The following GPLD1 variants were observed in gnomAD, a reference collection of about 807,000 sequenced individuals.
GPLD1 encodes the protein glycosylphosphatidylinositol specific phospholipase D1, also known as phosphatidylinositol-glycan-specific phospholipase D.
Under a neutral mutation model 112.6 loss-of-function variants are expected in GPLD1, and 84 were observed. That is an observed-to-expected ratio of 0.75 (90% CI 0.63 to 0.89). GPLD1 has a LOEUF of 0.89. GPLD1 is among the 40% of genes least tolerant of loss of function. The pLI, the probability that GPLD1 is intolerant of heterozygous loss-of-function variation, is 0.00. For missense variants in GPLD1, 1,044 were observed against 1,051.5 expected, an observed-to-expected ratio of 0.99 and a Z score of 0.10; for synonymous variants, 386 against 403.8, an observed-to-expected ratio of 0.96 and a Z score of 0.53.
upstream of GPLD1, among the ~76,000 whole-genome samples, chr6:24,490,880 C>T (rs1434495574): frequency 6.6e-6 from 1 of 152,192 alleles, no homozygotes; most frequent in African/African-American, 2.4e-5. Flanking sequence ...CGCAGCTACC[C>T]CCAGACCTGA....
chr6:24,480,002 C>T (rs754962750), intron 2 of GPLD1, 43 bp from the exon 3 acceptor site: 3 of 1,245,470 alleles, frequency 2.4e-6, no homozygotes, highest in Middle Eastern at 1.8e-4. Flanking sequence ...CAGGAGTCAA[C>T]AGCCTGGGGA....
chr6:24,431,538 T>A (rs1388612484), intron 24 of GPLD1, among the ~76,000 whole-genome samples: 3 of 149,820 alleles, frequency 2.0e-5, no homozygotes, highest in Non-Finnish European at 3.0e-5. Flanking sequence ...GGTTAAACTT[T>A]TTTTTTTTTT....
chr6:24,461,805 T>C (rs918266114), intron 11 of GPLD1, among the ~76,000 whole-genome samples: 1 of 152,242 alleles, frequency 6.6e-6, no homozygotes, highest in African/African-American at 2.4e-5. Flanking sequence ...TTGTTCACAA[T>C]GATATCTCTA....
At chr6:24,449,669 G>C in intron 15 of GPLD1, 120 bp downstream of exon 15, 1 of 690,022 alleles carries the variant, frequency 1.4e-6, no homozygotes, top group South Asian at 1.8e-5. Flanking sequence ...GCTCACAAAT[G>C]CTCTGTCTCA....
intron 20 of GPLD1, among the ~76,000 whole-genome samples, chr6:24,440,279 AC>A (rs1762703667): frequency 6.6e-6 from 1 of 151,924 alleles, no homozygotes; most frequent in African/African-American, 2.4e-5. Flanking sequence ...ATGCAGTGAG[AC>A]CCCATCACTA....
rs1359332686 is a variant in GPLD1 at position 24,428,330 on chromosome 6, G to A, written c.*702C>T. ...GTGTGTCATGGGGGTTTGTTACACAGATTATTTCATCACCCTAAGTATCCA... is the reference window on the plus strand; with the variant it reads ...GTGTGTCATGGGGGTTTGTTACACAAATTATTTCATCACCCTAAGTATCCA... On this transcript the variant is annotated 3_prime_UTR_variant, in exon 25 of 25. Transcript: ENST00000230036. 1.3e-5 allele frequency: 2 copies of A among 152,060 alleles called. No homozygotes were observed. The highest frequency in any genetic ancestry group is 2.9e-5 in the Non-Finnish European group (2 of 68,008). 9.4% of individuals were successfully genotyped at this position (152,060 alleles called of 1,614,324 possible). A position where few individuals can be genotyped will look rare whatever the true frequency, so the allele number is the denominator to read the frequency against.
chr6:24,474,095 C>T (rs1465573092), intron 5 of GPLD1, among the ~76,000 whole-genome samples: 1 of 151,570 alleles, frequency 6.6e-6, no homozygotes, highest in Non-Finnish European at 1.5e-5. Context: ...CACTGAACTC[C>T]AACCTGAGCA....
Position 24,429,078 on chromosome 6 carries a change from GC to G in GPLD1, c.2476del (p.Ala826ProfsTer36). On this transcript the variant is annotated frameshift_variant, in exon 25 of 25. Transcript: ENST00000230036. LOFTEE classifies it high-confidence loss of function. ...GACGTGAAGTGCCCCGGAGAGTCGG[GC>G]TCCCAAAGAACTCCTTCCAGCAGCA... ...VIAAGRSSLG[A>X]RLSGALHVYS... 6.2e-7 allele frequency: 1 copy of G among 1,613,624 alleles called. No individual in the cohort carries two copies. Among genetic ancestry groups the G allele is most frequent in the Non-Finnish European group, 8.5e-7 (1 of 1,179,668 alleles).
At chr6:24,475,460 A>T (rs1319492507) in intron 4 of GPLD1, among the ~76,000 whole-genome samples, 1 of 151,832 alleles carries the variant, frequency 6.6e-6, no homozygotes, top group Non-Finnish European at 1.5e-5. Flanking sequence ...GAATTGCTTG[A>T]ACCTGGGAGG....
chr6:24,478,439 A>G (rs528943002), intron 3 of GPLD1, among the ~76,000 whole-genome samples: 1 of 152,232 alleles, frequency 6.6e-6, no homozygotes, highest in Non-Finnish European at 1.5e-5. Flanking sequence ...GAATGGGATA[A>G]TAGCAGATGA....
intron 14 of GPLD1, among the ~76,000 whole-genome samples, chr6:24,451,314 G>A (rs1763075956): frequency 6.7e-6 from 1 of 150,272 alleles, no homozygotes; most frequent in Non-Finnish European, 1.5e-5. Flanking sequence ...TAATTCACTG[G>A]GTTTTCCAAT....
At chr6:24,478,607 G>T (rs752876352) in intron 3 of GPLD1, among the ~76,000 whole-genome samples, 7 of 152,146 alleles carry the variant, frequency 4.6e-5, no homozygotes, top group African/African-American at 1.7e-4. Flanking sequence ...ATTGGGTTGG[G>T]TTTGGCCAAT....
At chr6:24,487,398 G>A (rs147272191) in intron 1 of GPLD1, among the ~76,000 whole-genome samples, 134 of 152,294 alleles carry the variant, frequency 8.8e-4, no homozygotes, top group Middle Eastern at 3.4e-3. Flanking sequence ...TATTTCAGGA[G>A]ATGCCTTCAA....
intron 12 of GPLD1, among the ~76,000 whole-genome samples, chr6:24,459,017 A>G (rs1001767350): frequency 1.4e-4 from 22 of 152,168 alleles, no homozygotes; most frequent in Non-Finnish European, 3.2e-4. Context: ...CTACAATCCA[A>G]TGCCTACTTA....
intron 2 of GPLD1, 37 bp from the exon 3 acceptor site, chr6:24,479,996 A>T (rs1345513289): frequency 2.3e-6 from 3 of 1,308,538 alleles, no homozygotes; most frequent in African/African-American, 2.9e-5. Context: ...AAGGGGCAGG[A>T]GTCAACAGCC....
At chr6:24,468,579 A>C (rs1763696041) in intron 7 of GPLD1, among the ~76,000 whole-genome samples, 1 of 149,880 alleles carries the variant, frequency 6.7e-6, no homozygotes, top group African/African-American at 2.5e-5. Context: ...TTTGAGATGG[A>C]GTCTCACTCT....
At position 24,434,172 on chromosome 6, in the gene GPLD1, C is replaced by T. The variant is rs537628417; in HGVS notation, c.2359-783G>A. Among the ~76,000 whole-genome samples, 8 of 151,922 alleles carry T rather than the reference C, an allele frequency of 5.3e-5. No individual in the cohort carries two copies. The South Asian group carries it at 8.4e-4, about 16-fold the overall frequency. ...CAGCACTTTGGGAGGCTGAGGCAGG[C>T]GGATCACTGGAGGTCAGGAGTTCGA... On this transcript the variant is annotated intron_variant, in intron 22 of 24. Transcript: ENST00000230036.
chr6:24,468,546 T>A (rs189447883), intron 7 of GPLD1, among the ~76,000 whole-genome samples: 2 of 151,376 alleles, frequency 1.3e-5, no homozygotes, highest in East Asian at 3.9e-4. Flanking sequence ...ACATTTTACT[T>A]ATTTTTTTAT....
At chr6:24,454,851 G>A (rs566369922) in intron 13 of GPLD1, among the ~76,000 whole-genome samples, 10 of 152,358 alleles carry the variant, frequency 6.6e-5, no homozygotes, top group Middle Eastern at 3.4e-3. Flanking sequence ...ATGGCAGGCC[G>A]AGCATGGTGG....
Sources: gnomAD v4.1 joint callset for allele counts (sites outside exome capture counted in the v4.1 genomes callset) on GRCh38, gnomAD v4.1.1 for gene constraint, MANE v1.5 for transcripts, NCBI Gene and HGNC (gene_info 2026-07-23, HGNC 2026-07-21) for gene names.